GRIP2: variants seen among roughly 807,000 people sequenced by gnomAD.
The protein encoded by GRIP2 is glutamate receptor interacting protein 2.
A neutral mutation model predicts 108.3 loss-of-function variants in GRIP2; 58 were observed. That is an observed-to-expected ratio of 0.54 (90% confidence interval 0.43 to 0.67). The LOEUF (loss-of-function observed/expected upper bound fraction) is 0.67. Ranked by LOEUF, GRIP2 falls within the 30% of genes least tolerant of loss-of-function variation. GRIP2 has a pLI of 0.00. For missense variants in GRIP2, 1,278 were observed against 1,430.6 expected (o/e 0.89, Z 1.72); for synonymous variants, 586 against 598.2 (o/e 0.98, Z 0.30).
At chr3:14,503,979 A>C (rs1436432190) in intron 20 of GRIP2, 1 of 391,832 alleles carries the variant, frequency 2.6e-6, no homozygotes, top group African/African-American at 2.0e-5. Flanking sequence ...GAGGACAAAC[A>C]GACGAACAGA....
the GRIP2 span, among the ~76,000 whole-genome samples, chr3:14,575,690 G>T: frequency 6.6e-6 from 1 of 152,256 alleles, no homozygotes; most frequent in South Asian, 2.1e-4. Flanking sequence ...CCACCCTGAA[G>T]GTCAGGCCCT....
At chr3:14,541,301 G>A (rs1355151248), upstream of GRIP2, among the ~76,000 whole-genome samples, 1 of 152,244 alleles carries the variant, frequency 6.6e-6, no homozygotes, top group African/African-American at 2.4e-5. Flanking sequence ...ACAGGGCACT[G>A]AATGGTGGAT....
At position 14,522,660 on chromosome 3, in the gene GRIP2, C is replaced by T. The variant is rs1486324834; in HGVS notation, c.566+340G>A. ...GACGGCTACAGCAGTGGCCAATCAG[C>T]GTGCCCCCAAATCTCTCATAGCAAC... On this transcript the variant is annotated intron_variant, in intron 6 of 23. Coordinates refer to ENST00000621039, the MANE Select transcript of GRIP2 (RefSeq NM_001080423.4). The surrounding 1 kb of genome is among the most constrained non-coding windows in gnomAD (Gnocchi z 4.3). 1.2e-5 allele frequency: 3 copies of T among 258,896 alleles called. No homozygotes were observed. Among genetic ancestry groups the T allele is most frequent in the African/African-American group, 2.3e-5 (1 of 43,874 alleles). 16.0% of individuals were successfully genotyped at this position (258,896 alleles called of 1,614,324 possible).
chr3:14,525,414 G>A (rs752325140), intron 3 of GRIP2, 23 bp downstream of exon 3: 2 of 1,598,242 alleles, frequency 1.3e-6, no homozygotes, highest in South Asian at 1.1e-5. Context: ...CCCTCCTGCG[G>A]CCGTGCCAAG....
At chr3:14,559,533 A>C (rs367636211), upstream of GRIP2, among the ~76,000 whole-genome samples, 51 of 151,672 alleles carry the variant, frequency 3.4e-4, no homozygotes, top group East Asian at 7.9e-3. Context: ...AAGAGAAGAC[A>C]ACTGTGGGAG....
At chr3:14,573,482 G>C in the GRIP2 span, 32 of 1,546,346 alleles carry the variant, frequency 2.1e-5, no homozygotes, top group Non-Finnish European at 2.4e-5. Flanking sequence ...CCTCAGGGTT[G>C]AGGAAAGGCA....
At chr3:14,525,159 A>C (rs891478357) in intron 3 of GRIP2, among the ~76,000 whole-genome samples, 3 of 152,150 alleles carry the variant, frequency 2.0e-5, no homozygotes, top group Non-Finnish European at 2.9e-5. Context: ...TTTTGGACAT[A>C]GGGGACTGCA....
intron 20 of GRIP2, among the ~76,000 whole-genome samples, chr3:14,504,309 G>GTTTT (rs35560980): frequency 2.5e-4 from 30 of 121,560 alleles, no homozygotes; most frequent in East Asian, 4.6e-4. Flanking sequence ...GCACTTGCTT[G>GTTTT]TTTTTTTTTT....
chr3:14,602,438 G>A, the GRIP2 span, among the ~76,000 whole-genome samples: 1 of 152,058 alleles, frequency 6.6e-6, no homozygotes, highest in East Asian at 1.9e-4. The surrounding 1 kb of genome is among the most constrained non-coding windows in gnomAD (Gnocchi z 4.7). Flanking sequence ...TCAAAGGAAA[G>A]TTGGGTGCGA....
At chr3:14,580,933 A>C in the GRIP2 span, among the ~76,000 whole-genome samples, 1 of 152,216 alleles carries the variant, frequency 6.6e-6, no homozygotes, top group African/African-American at 2.4e-5. Context: ...AAGAGGAAGG[A>C]ATTGTCCTCA....
At chr3:14,577,444 C>T in the GRIP2 span, among the ~76,000 whole-genome samples, 1 of 152,206 alleles carries the variant, frequency 6.6e-6, no homozygotes, top group Admixed American at 6.5e-5. Context: ...GATGGTTTGG[C>T]TCCTGGCCAC....
In GRIP2 at chr3:14,533,777, C is replaced by T. The variant is rs796257764; in HGVS notation, c.40+6492G>A. ...GACAGCTTAGGGACAGCGGAGGTGC[C>T]GGAGTCTGCTGGTCTCAACACCGAG... On this transcript the variant is annotated intron_variant, in intron 1 of 23. Coordinates refer to ENST00000621039, the MANE Select transcript of GRIP2 (RefSeq NM_001080423.4). 3.9e-5 allele frequency among the ~76,000 whole-genome samples: 6 copies of T among 152,270 alleles called. No homozygotes were observed. The South Asian group carries it at 8.3e-4, about 21-fold the overall frequency.
chr3:14,520,828 G>A, intron 7 of GRIP2: 1 of 435,644 alleles, frequency 2.3e-6, no homozygotes, highest in Non-Finnish European at 4.2e-6. Flanking sequence ...AGAGCCTGTG[G>A]TATACCAGCA....
chr3:14,503,384 T>G (rs563449221), intron 21 of GRIP2, among the ~76,000 whole-genome samples, 182 bp downstream of exon 21: 2 of 152,370 alleles, frequency 1.3e-5, no homozygotes, highest in South Asian at 4.1e-4. Flanking sequence ...CACTTGCACA[T>G]GAATCCATGC....
intron 21 of GRIP2, among the ~76,000 whole-genome samples, chr3:14,498,623 C>A (rs967261898): frequency 1.9e-4 from 29 of 152,066 alleles, no homozygotes; most frequent in Non-Finnish European, 1.5e-5. Context: ...AAGGAAAATC[C>A]AAGACTCCTC....
At chr3:14,536,315 C>A (rs187337827) in intron 1 of GRIP2, among the ~76,000 whole-genome samples, 6 of 152,114 alleles carry the variant, frequency 3.9e-5, no homozygotes, top group African/African-American at 7.2e-5. Flanking sequence ...AGCCTGAGGC[C>A]CAGAGAAGCC....
chr3:14,577,201 G>A, the GRIP2 span, among the ~76,000 whole-genome samples: 1 of 152,204 alleles, frequency 6.6e-6, no homozygotes, highest in Non-Finnish European at 1.5e-5. Context: ...TTTAGTTGAT[G>A]CCAGTTTTAT....
chr3:14,567,522 C>A, the GRIP2 span, among the ~76,000 whole-genome samples: 1 of 152,162 alleles, frequency 6.6e-6, no homozygotes, highest in Non-Finnish European at 1.5e-5. Flanking sequence ...CAGGATGATG[C>A]CACCACTCCA....
the GRIP2 span, among the ~76,000 whole-genome samples, chr3:14,603,010 G>C: frequency 6.8e-6 from 1 of 146,192 alleles, no homozygotes; most frequent in African/African-American, 2.5e-5. Flanking sequence ...GGCCCGGCCC[G>C]GCCTCGCCAG....
Sources: gnomAD v4.1 joint callset for allele counts (sites outside exome capture counted in the v4.1 genomes callset) on GRCh38, gnomAD v4.1.1 for gene constraint, Gnocchi (gnomAD v3.1) non-coding constraint, MANE v1.5 for transcripts, NCBI Gene and HGNC (gene_info 2026-07-23, HGNC 2026-07-21) for gene names.